The following SHISA9 variants were observed in gnomAD, a reference collection of about 807,000 sequenced individuals.
SHISA9 encodes the protein shisa family member 9, also known as protein shisa-9.
SHISA9 carries 13 observed loss-of-function variants against 38.0 expected under a neutral mutation model. The ratio of observed to expected loss-of-function variants is 0.34; its 90% CI spans 0.22 to 0.54. The LOEUF (loss-of-function observed/expected upper bound fraction) is 0.54, where lower values mean the gene tolerates loss of function less well. SHISA9 is among the 20% of genes least tolerant of loss of function. The pLI is 0.91. For missense variants in SHISA9, 538 were observed against 575.8 expected (o/e 0.93, Z 0.67); for synonymous variants, 275 against 242.0 (o/e 1.14, Z -1.27).
chr16:13,506,487 G>T, the SHISA9 span, among the ~76,000 whole-genome samples: 3 of 152,138 alleles, frequency 2.0e-5, no homozygotes, highest in Admixed American at 6.5e-5. Context: ...AGGAGGACGG[G>T]GTTGAAATTT....
At position 12,930,292 on chromosome 16, in the gene SHISA9, C is replaced by T. The variant is rs544658919; in HGVS notation, c.691+13477C>T. 1.9e-4 allele frequency among the ~76,000 whole-genome samples: 29 copies of T among 152,298 alleles called. No individual in the cohort carries two copies. The South Asian group carries it at 3.5e-3, about 19-fold the overall frequency. On this transcript the variant is annotated intron_variant, in intron 2 of 4. Coordinates refer to ENST00000558583, the MANE Select transcript of SHISA9 (RefSeq NM_001145204.3). ...TGCTATTACTTTTTCTTTGTCAATTCATTGGGATCTTATTTCTTGTGGACT... is the reference window on the plus strand; with the variant it reads ...TGCTATTACTTTTTCTTTGTCAATTTATTGGGATCTTATTTCTTGTGGACT...
chr16:13,244,653 T>G (rs2051459043), downstream of SHISA9, among the ~76,000 whole-genome samples: 1 of 152,224 alleles, frequency 6.6e-6, no homozygotes, highest in Non-Finnish European at 1.5e-5. Context: ...ATTAGTAGTT[T>G]AGTACTGAGG....
chr16:13,373,520 T>A, the SHISA9 span, among the ~76,000 whole-genome samples: 1 of 152,156 alleles, frequency 6.6e-6, no homozygotes, highest in East Asian at 1.9e-4. Context: ...CCCAGCACTT[T>A]GGGAGGCCGA....
the SHISA9 span, among the ~76,000 whole-genome samples, chr16:13,409,134 T>C: frequency 5.9e-5 from 9 of 152,158 alleles, no homozygotes; most frequent in Non-Finnish European, 2.9e-5. Context: ...ATCTGAACAC[T>C]GAGAGGAGTT....
the SHISA9 span, among the ~76,000 whole-genome samples, chr16:13,490,732 T>C: frequency 6.6e-6 from 1 of 152,200 alleles, no homozygotes; most frequent in South Asian, 2.1e-4. Flanking sequence ...TGTGTCTTCT[T>C]CCCTTCTGTA....
chr16:13,433,237 C>T, the SHISA9 span, among the ~76,000 whole-genome samples: 3 of 152,128 alleles, frequency 2.0e-5, no homozygotes, highest in Non-Finnish European at 4.4e-5. Context: ...AGGCAATAAG[C>T]CTCCAATTAA....
chr16:13,461,804 G>A, the SHISA9 span, among the ~76,000 whole-genome samples: 311 of 151,052 alleles, frequency 2.1e-3, 4 homozygotes, highest in Non-Finnish European at 4.7e-4. Flanking sequence ...TAGTAGAGAC[G>A]GGGTTTCACC....
At chr16:13,520,742 G>A in the SHISA9 span, among the ~76,000 whole-genome samples, 225 of 151,902 alleles carry the variant, frequency 1.5e-3, 2 homozygotes, top group African/African-American at 5.2e-3. Flanking sequence ...AGGGGTCTGC[G>A]TCCTGCTGGA....
the SHISA9 span, among the ~76,000 whole-genome samples, chr16:13,474,765 A>G: frequency 2.0e-5 from 3 of 152,256 alleles, no homozygotes; most frequent in Non-Finnish European, 4.4e-5. Context: ...AGAAGTCTGA[A>G]TGACAAGAAT....
chr16:13,270,311 G>C, the SHISA9 span, among the ~76,000 whole-genome samples: 1 of 152,114 alleles, frequency 6.6e-6, no homozygotes, highest in African/African-American at 2.4e-5. Context: ...AGGAGTTGGG[G>C]GCGAGGGGCA....
At chr16:13,151,845 G>A (rs180781085) in intron 2 of SHISA9, among the ~76,000 whole-genome samples, 3 of 152,116 alleles carry the variant, frequency 2.0e-5, no homozygotes, top group Non-Finnish European at 4.4e-5. Context: ...GTTTTCTCAG[G>A]AATTTATTCT....
At chr16:13,243,846 C>T (rs550041904), downstream of SHISA9, among the ~76,000 whole-genome samples, 2 of 125,318 alleles carry the variant, frequency 1.6e-5, no homozygotes, top group East Asian at 5.7e-4. Context: ...AATCTTAGTT[C>T]ACTGCAACCT....
chr16:13,170,947 G>A lies in SHISA9; in HGVS notation c.692-32447G>A, dbSNP rs192348315. ...GCTGGGATTACAGGCGTCAACCACC[G>A]CGCTGGGCCTAAAATAAAAGTTGAA... On this transcript the variant is annotated intron_variant, in intron 2 of 4. Coordinates refer to ENST00000558583, the MANE Select transcript of SHISA9 (RefSeq NM_001145204.3). Among the ~76,000 whole-genome samples the A allele has an allele frequency of 3.4e-4, 52 of 152,192 alleles. No individual in the cohort carries two copies. The South Asian group carries it at 3.7e-3, about 11-fold the overall frequency.
chr16:13,078,188 G>A (rs890076077), intron 2 of SHISA9, among the ~76,000 whole-genome samples: 3 of 152,176 alleles, frequency 2.0e-5, no homozygotes, highest in South Asian at 2.1e-4. Context: ...CAGGGGATTG[G>A]TTCCAGGACC....
intron 2 of SHISA9, among the ~76,000 whole-genome samples, chr16:13,059,359 C>T (rs377570140): frequency 6.6e-6 from 1 of 152,062 alleles, no homozygotes; most frequent in African/African-American, 2.4e-5. Flanking sequence ...AATCTCCTGA[C>T]CTCGTGATCT....
rs1187228199 is a variant in SHISA9, at chr16:13,235,031, T to C, written c.897T>C (p.Ala299=). Residue 299 remains alanine, a splice_region_variant and synonymous_variant, in exon 5 of 5, where the codon GCT becomes GCC. Transcript: ENST00000558583. ...WAVSTLKSPK[A]DKVNDDFYTK... ...TCATCCACCCGTTCCGATGTGTAGC[T>C]GACAAGGTCAATGACGACTTCTACA... The C allele has an allele frequency of 1.3e-6, 2 of 1,541,948 alleles. No homozygotes were observed. Among genetic ancestry groups the C allele is most frequent in the African/African-American group, 1.4e-5 (1 of 72,772 alleles).
intron 2 of SHISA9, among the ~76,000 whole-genome samples, chr16:13,167,043 TC>T (rs1776960365): frequency 2.0e-5 from 3 of 149,346 alleles, no homozygotes; most frequent in African/African-American, 4.9e-5. Flanking sequence ...CTTACTTTAC[TC>T]TACTTCTTCT....
chr16:13,040,211 G>T (rs1199796520), intron 2 of SHISA9, among the ~76,000 whole-genome samples: 2 of 152,208 alleles, frequency 1.3e-5, no homozygotes, highest in African/African-American at 4.8e-5. Flanking sequence ...GCCCTGAGAA[G>T]TGTGCTTGAT....
At chr16:13,082,680 C>G (rs2073665431) in intron 2 of SHISA9, among the ~76,000 whole-genome samples, 1 of 152,006 alleles carries the variant, frequency 6.6e-6, no homozygotes, top group Non-Finnish European at 1.5e-5. Flanking sequence ...GGTAAGTTCC[C>G]CAAATGAGAA....
Sources: allele counts gnomAD v4.1 joint callset (sites outside exome capture counted in the v4.1 genomes callset), GRCh38; gene constraint gnomAD v4.1.1; transcripts MANE v1.5; gene names NCBI Gene and HGNC (gene_info 2026-07-23, HGNC 2026-07-21).